The following VPS13D variants were observed in gnomAD, a reference collection of about 807,000 sequenced individuals.
The protein encoded by VPS13D is intermembrane lipid transfer protein VPS13D.
In VPS13D, 187 loss-of-function variants were observed where a neutral mutation model predicts 461.9. The ratio of observed to expected loss-of-function variants is 0.40; its 90% CI spans 0.36 to 0.46. VPS13D has a LOEUF of 0.46. Among genes scored for constraint, VPS13D ranks in the 20% least tolerant of loss-of-function variants. The probability of loss-of-function intolerance (pLI) is 0.60; values close to 1 mark genes in which losing one functional copy is unlikely to be tolerated. For missense variants in VPS13D, 4,711 were observed against 5,364.9 expected (o/e 0.88, Z 3.81); for synonymous variants, 1,951 against 1,986.3 (o/e 0.98, Z 0.47).
At chr1:12,345,715 C>T (rs1022777967) in intron 43 of VPS13D, among the ~76,000 whole-genome samples, 1 of 152,200 alleles carries the variant, frequency 6.6e-6, no homozygotes, top group African/African-American at 2.4e-5. Context: ...GATTTAAAAT[C>T]AGCAGTAACA....
intron 6 of VPS13D, among the ~76,000 whole-genome samples, chr1:12,251,595 C>A (rs1192154877): frequency 6.6e-6 from 1 of 152,170 alleles, no homozygotes; most frequent in Non-Finnish European, 1.5e-5. Context: ...TGAGAGTAAC[C>A]ACGTTTCTAA....
rs545465013 is a variant in VPS13D at position 12,305,067 on chromosome 1, A to G, written c.6439+339A>G. On this transcript the variant is annotated intron_variant, in intron 26 of 69. Coordinates refer to ENST00000620676, the MANE Select transcript of VPS13D (RefSeq NM_015378.4). Reference sequence around the variant, plus strand: ...AGAGTCCTGCATTCTGCAAGCCACTACCCAGACACTGTCCTTGCAAACCAC... The same window carrying G: ...AGAGTCCTGCATTCTGCAAGCCACTGCCCAGACACTGTCCTTGCAAACCAC... 2.0e-5 allele frequency among the ~76,000 whole-genome samples: 3 copies of G among 152,308 alleles called. No homozygotes were observed. In the South Asian group the frequency reaches 6.2e-4, roughly 32 times the overall value.
intron 63 of VPS13D, among the ~76,000 whole-genome samples, chr1:12,412,560 C>T (rs1314677952): frequency 6.6e-6 from 1 of 152,118 alleles, no homozygotes; most frequent in Non-Finnish European, 1.5e-5. Context: ...AACGGATGAC[C>T]TTTTCAGTAA....
chr1:12,259,495 G>C (rs553128868), intron 10 of VPS13D, among the ~76,000 whole-genome samples: 1 of 151,796 alleles, frequency 6.6e-6, no homozygotes, highest in East Asian at 1.9e-4. Context: ...ATAGAGACAG[G>C]GTTTCGCTGT....
At chr1:12,304,470 T>C in intron 25 of VPS13D, 36 bp from the exon 26 acceptor site, 1 of 1,572,814 alleles carries the variant, frequency 6.4e-7, no homozygotes, top group Non-Finnish European at 8.6e-7. Flanking sequence ...CCCCTTCCCA[T>C]TTCCTGCATT....
intron 67 of VPS13D, among the ~76,000 whole-genome samples, chr1:12,479,298 CAG>C (rs1233296618): frequency 6.6e-6 from 1 of 152,206 alleles, no homozygotes; most frequent in Non-Finnish European, 1.5e-5. Flanking sequence ...GTCCATCAGC[CAG>C]TCACGTTCTT....
At chr1:12,328,953 G>C (rs963875314) in intron 36 of VPS13D, among the ~76,000 whole-genome samples, 5 of 152,164 alleles carry the variant, frequency 3.3e-5, no homozygotes, top group Non-Finnish European at 7.4e-5. Context: ...TGCTTCTGGG[G>C]CTTGAATCTG....
chr1:12,245,469 T>C (rs1269366139), intron 5 of VPS13D, among the ~76,000 whole-genome samples: 1 of 152,362 alleles, frequency 6.6e-6, no homozygotes, highest in Non-Finnish European at 1.5e-5. Flanking sequence ...GTTCAGTCTT[T>C]TAAAGTGTAC....
chr1:12,483,831 C>T (rs916777799), intron 67 of VPS13D, among the ~76,000 whole-genome samples: 2 of 152,034 alleles, frequency 1.3e-5, no homozygotes, highest in African/African-American at 2.4e-5. Context: ...AACCCCGTCT[C>T]TACTAAAAAT....
At position 12,378,478 on chromosome 1, in the gene VPS13D, G is replaced by C; in HGVS notation, c.10968G>C (p.Leu3656=). The stretch of plus-strand genomic sequence containing the variant: ...GGAGGATGACAGGAACAGGAATGCT[G>C]GCCCATGAGGGCTCCTCAGTTCCTC... ...QLWRMTGTGM[L]AHEGSSVPHN... The change falls in exon 56 of 70, where the codon CTG becomes CTC. Residue 3656 remains leucine (L), a synonymous_variant. Transcript: ENST00000620676. The C allele has an allele frequency of 6.2e-7, 1 of 1,612,176 alleles. No individual in the cohort carries two copies. The highest frequency in any genetic ancestry group is 8.5e-7 in the Non-Finnish European group (1 of 1,179,260).
At position 12,323,888 on chromosome 1, in the gene VPS13D, A is replaced by C; in HGVS notation, c.7990+108A>C. ...GACTTAGAGAGCTGAGTGTGTTTGG[A>C]GGACGCTTTATGTGTCTTCTCTGGA... is the stretch of plus-strand genomic sequence containing the variant. On this transcript the variant is annotated intron_variant, in intron 35 of 69. Coordinates refer to ENST00000620676, the MANE Select transcript of VPS13D (RefSeq NM_015378.4). 2.0e-5 allele frequency: 23 copies of C among 1,143,158 alleles called. No individual in the cohort carries two copies. The South Asian group carries it at 2.9e-4, about 15-fold the overall frequency. 70.8% of individuals were successfully genotyped at this position (1,143,158 alleles called of 1,614,324 possible).
Position 12,505,524 on chromosome 1 carries a change from A to G in VPS13D, c.12795-1329A>G, listed in dbSNP as rs900127746. Among the ~76,000 whole-genome samples, 21 of 152,258 alleles carry G rather than the reference A, an allele frequency of 1.4e-4. No homozygotes were observed. Among genetic ancestry groups the G allele is most frequent in the African/African-American group, 5.1e-4 (21 of 41,466 alleles). On this transcript the variant is annotated intron_variant, in intron 68 of 69. Transcript: ENST00000620676. This position sits in a 1 kb window ranked among gnomAD's most constrained non-coding sequence, Gnocchi z 4.2. ...ATTAAAATGGCAACTGGAACAAGGC[A>G]GTCACTTACTGAGCGCTGATGGGGT...
intron 13 of VPS13D, among the ~76,000 whole-genome samples, chr1:12,264,408 T>TTAG (rs1641204737): frequency 6.6e-6 from 1 of 152,220 alleles, no homozygotes; most frequent in African/African-American, 2.4e-5. Context: ...TGCCAAACAG[T>TTAG]TAGCCAAGTT....
At chr1:12,468,442 C>T (rs1266762144) in intron 67 of VPS13D, among the ~76,000 whole-genome samples, 2 of 152,182 alleles carry the variant, frequency 1.3e-5, no homozygotes, top group African/African-American at 4.8e-5. Context: ...GAGTTCAGCT[C>T]CCCTGCTCCC....
At position 12,268,709 on chromosome 1, in the gene VPS13D, C is replaced by T. The variant is rs1315793532; in HGVS notation, c.1805C>T (p.Ala602Val). 8.1e-6 allele frequency: 13 copies of T among 1,612,386 alleles called. No homozygotes were observed. The highest frequency in any genetic ancestry group is 1.0e-5 in the Non-Finnish European group (12 of 1,179,506). ...SADRSDHYPA[A>V]DPDGPVFEML... ...TTATTCCTGTTCTTTCCTTTAGCTG[C>T]AGATCCAGATGGCCCCGTTTTTGAG... Residue 602 changes from alanine (A) to valine (V), a missense_variant, in exon 16 of 70, where the codon GCA becomes GTA. Physicochemically the swap from Ala to Val is moderately conservative, Grantham distance 64 (BLOSUM62 0). Coordinates refer to ENST00000620676, the MANE Select transcript of VPS13D (RefSeq NM_015378.4).
chr1:12,312,729 A>C (rs1642789210), intron 29 of VPS13D, among the ~76,000 whole-genome samples: 1 of 152,208 alleles, frequency 6.6e-6, no homozygotes, highest in African/African-American at 2.4e-5. Context: ...ACTGCACTCC[A>C]GCCTAGGTGA....
In VPS13D at chr1:12,262,071, GA is replaced by G; in HGVS notation, c.1586del (p.Glu529GlyfsTer5). 1 of 1,609,186 alleles carries G rather than the reference GA, an allele frequency of 6.2e-7. No homozygotes were observed. ...QMNESAFMQL[E>X]FSDVKLLAES... ...GAATGAAAGTGCTTTCATGCAGCTC[GA>G]GTTTTCAGGTACACTGCCCCCAAGA... On this transcript the variant is annotated frameshift_variant, in exon 13 of 70. Transcript: ENST00000620676. LOFTEE classifies it high-confidence loss of function.
At chr1:12,458,369 T>C (rs959653079) in intron 66 of VPS13D, among the ~76,000 whole-genome samples, 2 of 152,176 alleles carry the variant, frequency 1.3e-5, no homozygotes, top group African/African-American at 4.8e-5. Flanking sequence ...CCAGTCTGAA[T>C]TCCTGTTCTG....
chr1:12,270,803 T>G (rs1641417939), intron 16 of VPS13D, among the ~76,000 whole-genome samples, 191 bp from the exon 17 acceptor site: 1 of 151,828 alleles, frequency 6.6e-6, no homozygotes, highest in Non-Finnish European at 1.5e-5. Context: ...GCAGCCTCAG[T>G]CTCCTGGGCT....
Sources: allele counts gnomAD v4.1 joint callset (sites outside exome capture counted in the v4.1 genomes callset), GRCh38; gene constraint gnomAD v4.1.1; non-coding constraint Gnocchi (gnomAD v3.1); transcripts MANE v1.5; gene names NCBI Gene and HGNC (gene_info 2026-07-23, HGNC 2026-07-21).